Variants in DHDH observed in about 807,000 individuals in gnomAD.
DHDH encodes the protein trans-1,2-dihydrobenzene-1,2-diol dehydrogenase.
Under a neutral mutation model 33.2 loss-of-function variants are expected in DHDH, and 29 were observed. The observed-to-expected ratio is 0.87, with a 90% CI of 0.65 to 1.19. The LOEUF (loss-of-function observed/expected upper bound fraction) is 1.19, where lower values mean the gene tolerates loss of function less well. Ranked by LOEUF, DHDH falls within the 50% of genes most tolerant of loss-of-function variation. The pLI, the probability that DHDH is intolerant of heterozygous loss-of-function variation, is 0.00. For missense variants in DHDH, 431 were observed against 455.0 expected (o/e 0.95, Z 0.48); for synonymous variants, 201 against 187.9 (o/e 1.07, Z -0.57).
At chr19:48,942,039 G>A (rs939911041) in intron 4 of DHDH, among the ~76,000 whole-genome samples, 6 of 136,034 alleles carry the variant, frequency 4.4e-5, no homozygotes, top group African/African-American at 1.4e-4. Context: ...ATGGAGTCTC[G>A]CTCTGTCGCC....
At chr19:48,944,629 T>C (rs2037915361) in intron 6 of DHDH, 122 bp downstream of exon 6, 2 of 1,422,324 alleles carry the variant, frequency 1.4e-6, no homozygotes, top group Admixed American at 2.3e-5. Flanking sequence ...TGAGCCGAGA[T>C]TGCACCACTG....
chr19:48,936,014 G>T lies in DHDH; in HGVS notation c.203-18G>T. On this transcript the variant is annotated intron_variant, in intron 2 of 6. Coordinates refer to ENST00000221403, the MANE Select transcript of DHDH (RefSeq NM_014475.4). ...GGGTGGGCGGGGCTGCTGACCTCTTGACCTACTCCCACCCTAGAGGTGGCC... is the reference window on the plus strand; with the variant it reads ...GGGTGGGCGGGGCTGCTGACCTCTTTACCTACTCCCACCCTAGAGGTGGCC... 1 of 1,583,280 alleles carries T rather than the reference G, an allele frequency of 6.3e-7. No individual in the cohort carries two copies. Among genetic ancestry groups the T allele is most frequent in the South Asian group, 1.2e-5 (1 of 86,738 alleles).
upstream of DHDH, chr19:48,933,625 G>A: frequency 8.7e-7 from 1 of 1,143,282 alleles, no homozygotes; most frequent in Non-Finnish European, 1.3e-6. Flanking sequence ...CGCAATACGG[G>A]CGGAGGATGG....
At chr19:48,933,691 C>T, upstream of DHDH, 1 of 1,610,904 alleles carries the variant, frequency 6.2e-7, no homozygotes, top group Non-Finnish European at 8.5e-7. Flanking sequence ...CCTGGAGGGA[C>T]CGAAGGTGCC....
chr19:48,944,894 G>A lies in DHDH; in HGVS notation c.966G>A (p.Arg322=), dbSNP rs752309645. The A allele has an allele frequency of 1.4e-5, 23 of 1,614,024 alleles. No homozygotes were observed. Among genetic ancestry groups the A allele is most frequent in the Non-Finnish European group, 2.5e-6 (3 of 1,180,026 alleles). ...TGGCTGACATCCTTGAAGAGGTGAG[G>A]AAGGCCATTGGAGTCACCTTCCCCC... ...ELLADILEEV[R]KAIGVTFPQD... is the part of the protein sequence containing the mutation. Residue 322 remains arginine, a synonymous_variant, in exon 7 of 7, where the codon AGG becomes AGA. Coordinates refer to ENST00000221403, the MANE Select transcript of DHDH (RefSeq NM_014475.4).
At chr19:48,940,878 C>T (rs926871151) in intron 4 of DHDH, among the ~76,000 whole-genome samples, 2 of 151,850 alleles carry the variant, frequency 1.3e-5, no homozygotes, top group Admixed American at 6.6e-5. Flanking sequence ...AACAGAGTCT[C>T]GCTATATTGC....
Position 48,942,505 on chromosome 19 carries a change from A to G in DHDH, c.685A>G (p.Ser229Gly). 6.2e-7 allele frequency: 1 copy of G among 1,613,878 alleles called. No individual in the cohort carries two copies. The highest frequency in any genetic ancestry group is 8.5e-7 in the Non-Finnish European group (1 of 1,179,944). The change falls in exon 5 of 7, where the codon AGC becomes GGC. Residue 229 changes from serine to glycine, a missense_variant. By Grantham distance (56) the Ser-to-Gly change is moderately conservative. Coordinates refer to ENST00000221403, the MANE Select transcript of DHDH (RefSeq NM_014475.4). ...PGEVHGSFTC[S>G]ITVQLSNTAS... is the part of the protein sequence containing the mutation. ...GGAGGTCCATGGCAGCTTCACCTGC[A>G]GCATCACCGTGCAGCTCTCCAACAC...
At chr19:48,933,593 A>G (rs947617800), upstream of DHDH, 7 of 806,084 alleles carry the variant, frequency 8.7e-6, no homozygotes, top group African/African-American at 1.0e-4. Flanking sequence ...TGCCGACTGG[A>G]GCCAACGAGA....
intron 4 of DHDH, among the ~76,000 whole-genome samples, 160 bp from the exon 5 acceptor site, chr19:48,942,280 A>G (rs2037874113): frequency 6.6e-6 from 1 of 152,112 alleles, no homozygotes; most frequent in Admixed American, 6.6e-5. Flanking sequence ...CTGGGATTAC[A>G]GGCGTGAGCC....
chr19:48,939,426 A>G (rs751945250), intron 3 of DHDH, 23 bp from the exon 4 acceptor site: 1 of 1,601,764 alleles, frequency 6.2e-7, no homozygotes, highest in East Asian at 2.2e-5. Flanking sequence ...TGGTTGGTTA[A>G]CTCCTTTCCT....
chr19:48,935,773 C>T (rs1268294891), intron 2 of DHDH, among the ~76,000 whole-genome samples: 12 of 151,680 alleles, frequency 7.9e-5, no homozygotes. Flanking sequence ...GCCGAGATCG[C>T]GCCACTGCAC....
chr19:48,944,537 G>A (rs199952845), intron 6 of DHDH, 30 bp downstream of exon 6: 1 of 1,561,198 alleles, frequency 6.4e-7, no homozygotes, highest in Non-Finnish European at 8.7e-7. Flanking sequence ...GCAGGCGCCA[G>A]GCCTGGTAGG....
At chr19:48,942,093 C>T (rs1046451226) in intron 4 of DHDH, among the ~76,000 whole-genome samples, 6 of 151,488 alleles carry the variant, frequency 4.0e-5, no homozygotes, top group South Asian at 2.1e-4. Flanking sequence ...CTTCAAGCTC[C>T]GCCTCCCACG....
chr19:48,942,451 A>G lies in DHDH; in HGVS notation c.631A>G (p.Thr211Ala), dbSNP rs1459261133. The G allele has an allele frequency of 6.2e-7, 1 of 1,607,950 alleles. No individual in the cohort carries two copies. Among genetic ancestry groups the G allele is most frequent in the African/African-American group, 1.3e-5 (1 of 74,808 alleles). The change falls in exon 5 of 7, where the codon ACT becomes GCT. Residue 211 changes from threonine (T) to alanine (A), a missense_variant. Coordinates refer to ENST00000221403, the MANE Select transcript of DHDH (RefSeq NM_014475.4). Reference sequence around the variant, plus strand: ...GGACTTCCCTCCAGGTGTGGATGACACTGTCACGGTGCTCCTGCAGTACCC... The same window carrying G: ...GGACTTCCCTCCAGGTGTGGATGACGCTGTCACGGTGCTCCTGCAGTACCC... ...GRRHETGVDDTVTVLLQYPGE... is the reference protein window; with the variant it reads ...GRRHETGVDDAVTVLLQYPGE...
rs753077562 is a variant in DHDH at position 48,933,700 on chromosome 19, C to G, written c.-22C>G. 3.1e-6 allele frequency: 5 copies of G among 1,612,284 alleles called. 1 individual carries two copies. The highest frequency in any genetic ancestry group is 2.2e-5 in the South Asian group (2 of 91,054). ...TTCGCGCCTGGAGGGACCGAAGGTG[C>G]CGAGGGCTCCGCATCGCAACCATGG... On this transcript the variant is annotated 5_prime_UTR_variant, in exon 1 of 7. Transcript: ENST00000221403.
At position 48,939,614 on chromosome 19, in the gene DHDH, G is replaced by A. The variant is rs750319188; in HGVS notation, c.532G>A (p.Gly178Ser). ...AQAGGALLDI[G>S]IYCVQFTSMV... ...GGCTGGGGGGGCCCTGCTGGACATC[G>A]GCATCTACTGTGTCCAGTTCACCTC... The change falls in exon 4 of 7, where the codon GGC (glycine) becomes AGC (serine). Residue 178 changes from glycine to serine, a missense_variant. Physicochemically the swap from Gly to Ser is moderately conservative, Grantham distance 56. Transcript: ENST00000221403. The A allele has an allele frequency of 6.2e-6, 10 of 1,614,096 alleles. No individual in the cohort carries two copies. In the East Asian group the frequency reaches 6.7e-5, roughly 11 times the overall value.
At chr19:48,936,004 C>T (rs947385344) in intron 2 of DHDH, 28 bp from the exon 3 acceptor site, 4 of 1,573,400 alleles carry the variant, frequency 2.5e-6, no homozygotes, top group Non-Finnish European at 3.4e-6. Context: ...GGCGGGGCTG[C>T]TGACCTCTTG....
chr19:48,940,870 CAG>C (rs1225913225), intron 4 of DHDH, among the ~76,000 whole-genome samples: 4 of 152,038 alleles, frequency 2.6e-5, no homozygotes, highest in East Asian at 1.9e-4. Flanking sequence ...TTGTGGAGAA[CAG>C]AGTCTCGCTA....
In DHDH at chr19:48,942,484, G is replaced by A. The variant is rs1239325645; in HGVS notation, c.664G>A (p.Val222Ile). ...VTVLLQYPGEVHGSFTCSITV... is the reference protein window; with the variant it reads ...VTVLLQYPGEIHGSFTCSITV... ...GGTGCTCCTGCAGTACCCAGGGGAG[G>A]TCCATGGCAGCTTCACCTGCAGCAT... Residue 222 changes from valine to isoleucine, a missense_variant, in exon 5 of 7, where the codon GTC (valine) becomes ATC (isoleucine). Val to Ile is a conservative substitution (Grantham distance 29, BLOSUM62 3). Transcript: ENST00000221403. 6.2e-7 allele frequency: 1 copy of A among 1,613,744 alleles called. No homozygotes were observed. Among genetic ancestry groups the A allele is most frequent in the South Asian group, 1.1e-5 (1 of 91,074 alleles).
Sources: allele counts gnomAD v4.1 joint callset (sites outside exome capture counted in the v4.1 genomes callset), GRCh38; gene constraint gnomAD v4.1.1; transcripts MANE v1.5; gene names NCBI Gene and HGNC (gene_info 2026-07-23, HGNC 2026-07-21).